The following CABP1 variants were observed in gnomAD, a reference collection of about 807,000 sequenced individuals.
CABP1 encodes calcium binding protein 1, also known as calcium-binding protein 1.
Under a neutral mutation model 34.3 loss-of-function variants are expected in CABP1, and 17 were observed. The observed-to-expected ratio is 0.50, with a 90% CI of 0.34 to 0.74. The LOEUF is 0.74. Among genes scored for constraint, CABP1 ranks in the 30% least tolerant of loss-of-function variants. The probability of loss-of-function intolerance (pLI) is 0.01; values close to 1 mark genes in which losing one functional copy is unlikely to be tolerated. For missense variants in CABP1, 373 were observed against 511.1 expected (o/e 0.73, Z 2.61); for synonymous variants, 198 against 229.2 (o/e 0.86, Z 1.23).
At chr12:120,666,506 TGA>T (rs1235710707) in intron 5 of CABP1, among the ~76,000 whole-genome samples, 2 of 119,564 alleles carry the variant, frequency 1.7e-5, no homozygotes, top group South Asian at 2.6e-4. Flanking sequence ...TGCTGAGAGG[TGA>T]GAGAGAGAGT....
intron 5 of CABP1, among the ~76,000 whole-genome samples, chr12:120,662,838 C>A (rs537395954): frequency 1.3e-5 from 2 of 152,020 alleles, no homozygotes; most frequent in African/African-American, 4.8e-5. Flanking sequence ...GCGCCTACCA[C>A]CACGTCCAGC....
At position 120,666,949 on chromosome 12, in the gene CABP1, A is replaced by G; in HGVS notation, c.*49A>G. The G allele has an allele frequency of 6.4e-7, 1 of 1,569,812 alleles. No individual in the cohort carries two copies. Among genetic ancestry groups the G allele is most frequent in the Non-Finnish European group, 8.6e-7 (1 of 1,163,194 alleles). The stretch of plus-strand genomic sequence containing the variant: ...TGCCAAGCTCCCAAAGGCGGGGCTA[A>G]GAGGAGCTAGAGCTTGCCTCACCCG... On this transcript the variant is annotated 3_prime_UTR_variant, in exon 6 of 6. Transcript: ENST00000316803.
intron 1 of CABP1, among the ~76,000 whole-genome samples, chr12:120,643,793 C>G (rs201522738): frequency 6.6e-6 from 1 of 152,146 alleles, no homozygotes; most frequent in South Asian, 2.1e-4. Flanking sequence ...AAATGAGATA[C>G]GGAGAGATAG....
At position 120,666,912 on chromosome 12, in the gene CABP1, C is replaced by A; in HGVS notation, c.*12C>A. On this transcript the variant is annotated 3_prime_UTR_variant, in exon 6 of 6. Coordinates refer to ENST00000316803, the MANE Select transcript of CABP1 (RefSeq NM_001033677.2). ...TGATGTCCCGCTGAGGCCGCGAGGG[C>A]CCCTCCAGGACTGCCAAGCTCCCAA... 6.2e-7 allele frequency: 1 copy of A among 1,602,438 alleles called. No homozygotes were observed.
At chr12:120,657,948 G>T (rs1880346259) in intron 1 of CABP1, among the ~76,000 whole-genome samples, 2 of 152,196 alleles carry the variant, frequency 1.3e-5, no homozygotes, top group Non-Finnish European at 2.9e-5. Context: ...ACACACGTGT[G>T]CTTACTCACT....
Position 120,656,377 on chromosome 12 carries a change from T to G in CABP1, c.655-3501T>G, listed in dbSNP as rs1031588172. The G allele has an allele frequency of 1.4e-5, 16 of 1,142,706 alleles. No homozygotes were observed. In the East Asian group the frequency reaches 4.2e-4, roughly 30 times the overall value. The allele number at this position is 1,142,706 out of a possible 1,614,324, so 70.8% of individuals were successfully genotyped here. Reference sequence around the variant, plus strand: ...ATACAGAGCTCACACCCCCAACTTATGAATCTGATCCCCAAAGTTTTCCAC... The same window carrying G: ...ATACAGAGCTCACACCCCCAACTTAGGAATCTGATCCCCAAAGTTTTCCAC... On this transcript the variant is annotated intron_variant, in intron 1 of 5. Coordinates refer to ENST00000316803, the MANE Select transcript of CABP1 (RefSeq NM_001033677.2).
intron 1 of CABP1, among the ~76,000 whole-genome samples, chr12:120,648,436 A>G (rs1320550483): frequency 6.6e-6 from 1 of 152,206 alleles, no homozygotes; most frequent in Non-Finnish European, 1.5e-5. Context: ...TGGACAAGTG[A>G]TACTTCTTTC....
rs1419876389 is a variant in CABP1 at position 120,661,914 on chromosome 12, A to G, written c.1087+696A>G. The G allele has an allele frequency of 1.3e-5, 2 of 152,620 alleles. No individual in the cohort carries two copies. Among genetic ancestry groups the G allele is most frequent in the African/African-American group, 4.8e-5 (2 of 41,464 alleles). 9.5% of individuals were successfully genotyped at this position (152,620 alleles called of 1,614,324 possible). On this transcript the variant is annotated intron_variant, in intron 5 of 5. Coordinates refer to ENST00000316803, the MANE Select transcript of CABP1 (RefSeq NM_001033677.2). The surrounding 1 kb of genome is among the most constrained non-coding windows in gnomAD (Gnocchi z 5.1). ...TATTCATTCTTCTCTACATTCACCC[A>G]TGAATCTATCTATGTATTCATCTAC...
Position 120,667,019 on chromosome 12 carries a change from C to T in CABP1, c.*119C>T, listed in dbSNP as rs1348941072. On this transcript the variant is annotated 3_prime_UTR_variant, in exon 6 of 6. Transcript: ENST00000316803. ...AGGATGTACTGGCGGATGGGGCCTG[C>T]CTGCACCCCGGGGAGGCGCCCACCC... 13 of 1,295,578 alleles carry T rather than the reference C, an allele frequency of 1.0e-5. No homozygotes were observed. Among genetic ancestry groups the T allele is most frequent in the Non-Finnish European group, 1.4e-5 (13 of 929,766 alleles). 80.3% of individuals were successfully genotyped at this position (1,295,578 alleles called of 1,614,324 possible).
intron 1 of CABP1, among the ~76,000 whole-genome samples, chr12:120,657,045 C>T (rs560374102): frequency 1.2e-4 from 18 of 152,272 alleles, no homozygotes; most frequent in Admixed American, 8.5e-4. Context: ...TGGCACTGTC[C>T]GGTAGAACTT....
At chr12:120,677,805 T>C in the CABP1 span, among the ~76,000 whole-genome samples, 1 of 152,120 alleles carries the variant, frequency 6.6e-6, no homozygotes, top group Admixed American at 6.5e-5. Flanking sequence ...AGGGAAATGA[T>C]TTGTCCAAGG....
chr12:120,656,437 CG>C (rs1880227039), intron 1 of CABP1, among the ~76,000 whole-genome samples: 1 of 136,718 alleles, frequency 7.3e-6, no homozygotes, highest in Admixed American at 7.5e-5. Context: ...TCCATATCCA[CG>C]AGCAAAATAA....
At chr12:120,670,266 A>G (rs1881207886), downstream of CABP1, among the ~76,000 whole-genome samples, 1 of 151,944 alleles carries the variant, frequency 6.6e-6, no homozygotes, top group Non-Finnish European at 1.5e-5. Flanking sequence ...AAGTGCTGGG[A>G]TTACAGGCGT....
rs548065104 is a variant in CABP1 at position 120,661,540 on chromosome 12, C to A, written c.1087+322C>A. On this transcript the variant is annotated intron_variant, in intron 5 of 5. Coordinates refer to ENST00000316803, the MANE Select transcript of CABP1 (RefSeq NM_001033677.2). This position sits in a 1 kb window ranked among gnomAD's most constrained non-coding sequence, Gnocchi z 5.1. ...CCATTTATCTACCCATCTATCCATC[C>A]ATCCATCCTCTACCTATCCATCCAT... 1 of 286,732 alleles carries A rather than the reference C, an allele frequency of 3.5e-6. No individual in the cohort carries two copies. The highest frequency in any genetic ancestry group is 8.0e-5 in the East Asian group (1 of 12,526). 17.8% of individuals were successfully genotyped at this position (286,732 alleles called of 1,614,324 possible).
chr12:120,659,499 T>G (rs907083316), intron 1 of CABP1: 1 of 181,340 alleles, frequency 5.5e-6, no homozygotes, highest in South Asian at 1.7e-4. Flanking sequence ...TTTTTGTTTT[T>G]TTTTTTTGAG....
At chr12:120,680,770 C>A in the CABP1 span, among the ~76,000 whole-genome samples, 1 of 152,052 alleles carries the variant, frequency 6.6e-6, no homozygotes, top group Admixed American at 6.6e-5. Flanking sequence ...TGGGTTCAGG[C>A]CCTCTAGCCT....
At chr12:120,669,014 GACA>G (rs1881154276), downstream of CABP1, among the ~76,000 whole-genome samples, 2 of 151,924 alleles carry the variant, frequency 1.3e-5, no homozygotes. Context: ...CCAGTCCATG[GACA>G]ACAACCTGAA....
At chr12:120,655,503 T>G in intron 1 of CABP1, 3 of 1,118,254 alleles carry the variant, frequency 2.7e-6, no homozygotes, top group Non-Finnish European at 3.3e-6. Flanking sequence ...GCTTCATTTA[T>G]GTCAGCAATG....
At chr12:120,675,554 A>C in the CABP1 span, among the ~76,000 whole-genome samples, 1 of 152,102 alleles carries the variant, frequency 6.6e-6, no homozygotes, top group Non-Finnish European at 1.5e-5. Context: ...CTTTTTCTTG[A>C]CTTATCTTTT....
Sources: allele counts gnomAD v4.1 joint callset (sites outside exome capture counted in the v4.1 genomes callset), GRCh38; gene constraint gnomAD v4.1.1; non-coding constraint Gnocchi (gnomAD v3.1); transcripts MANE v1.5; gene names NCBI Gene and HGNC (gene_info 2026-07-23, HGNC 2026-07-21).